The following PTPRB variants were observed in gnomAD, a reference collection of about 807,000 sequenced individuals.
The protein encoded by PTPRB is protein tyrosine phosphatase receptor type B.
A neutral mutation model predicts 238.1 loss-of-function variants in PTPRB; 97 were observed. That is an observed-to-expected ratio of 0.41 (90% confidence interval 0.35 to 0.48). The LOEUF (loss-of-function observed/expected upper bound fraction) is 0.48, where lower values mean the gene tolerates loss of function less well. Among genes scored for constraint, PTPRB ranks in the 20% least tolerant of loss-of-function variants. The probability of loss-of-function intolerance (pLI) is 0.30; values close to 1 mark genes in which losing one functional copy is unlikely to be tolerated. For missense variants in PTPRB, 2,292 were observed against 2,681.9 expected, an observed-to-expected ratio of 0.85 and a Z score of 3.21; for synonymous variants, 970 against 995.4, an observed-to-expected ratio of 0.97 and a Z score of 0.48.
chr12:70,582,801 T>C (rs969441445), intron 9 of PTPRB, among the ~76,000 whole-genome samples: 1 of 152,040 alleles, frequency 6.6e-6, no homozygotes, highest in African/African-American at 2.4e-5. Context: ...ACTGATAAAT[T>C]GGACATCAAA....
rs1449719673 is a variant in PTPRB at position 70,518,534 on chromosome 12, T to C, written c.*2955A>G. 1 of 152,070 alleles carries C rather than the reference T, an allele frequency of 6.6e-6. No homozygotes were observed. The highest frequency in any genetic ancestry group is 2.4e-5 in the African/African-American group (1 of 41,404). The allele number at this position is 152,070 out of a possible 1,614,324, so 9.4% of individuals were successfully genotyped here. A position where few individuals can be genotyped will look rare whatever the true frequency, so the allele number is the denominator to read the frequency against. The stretch of plus-strand genomic sequence containing the variant: ...AGATAATATGAACAGTAGATAAAAA[T>C]CACATTCAACTGGGAAAACAAACAT... On this transcript the variant is annotated 3_prime_UTR_variant, in exon 34 of 34. Transcript: ENST00000334414.
intron 21 of PTPRB, among the ~76,000 whole-genome samples, chr12:70,549,066 C>T (rs1876500861): frequency 6.6e-6 from 1 of 152,190 alleles, no homozygotes; most frequent in African/African-American, 2.4e-5. Context: ...ACATTGTAAG[C>T]TTCTTGAAGG....
rs529518935 is a variant in PTPRB at position 70,592,214 on chromosome 12, G to A, written c.1780+68C>T. ...AGGAGTTTTCCTGCTGACTTATTTT[G>A]TCCTATTTTAAGGTGGATCAGAGAG... On this transcript the variant is annotated intron_variant, in intron 7 of 33. Transcript: ENST00000334414. 6 of 1,598,356 alleles carry A rather than the reference G, an allele frequency of 3.8e-6. 1 individual carries two copies. The South Asian group carries it at 4.4e-5, about 12-fold the overall frequency.
rs551038012 is a variant in PTPRB at position 70,623,813 on chromosome 12, T to C, written c.452-1167A>G. Among the ~76,000 whole-genome samples the C allele has an allele frequency of 1.1e-3, 165 of 152,322 alleles. 2 individuals are homozygous for C. Among genetic ancestry groups the C allele is most frequent in the Non-Finnish European group, 2.2e-3 (148 of 68,026 alleles). On this transcript the variant is annotated intron_variant, in intron 2 of 33. Coordinates refer to ENST00000334414, the MANE Select transcript of PTPRB (RefSeq NM_001109754.4). ...CAGGTGAGGTCTCCTAAATAAGCTATTTATCATCCTATTTTCCCTGATCTG... is the reference window on the plus strand; with the variant it reads ...CAGGTGAGGTCTCCTAAATAAGCTACTTATCATCCTATTTTCCCTGATCTG...
chr12:70,524,625 C>T, intron 32 of PTPRB, 34 bp from the exon 33 acceptor site: 1 of 1,574,202 alleles, frequency 6.4e-7, no homozygotes, highest in African/African-American at 1.4e-5. Context: ...AGAGGAGGGC[C>T]TGTTCTCATG....
At chr12:70,626,296 CATCTATCTATCT>C (rs35084668) in intron 2 of PTPRB, among the ~76,000 whole-genome samples, 2,117 of 91,718 alleles carry the variant, frequency 0.023, 64 homozygotes, top group Admixed American at 0.029. Flanking sequence ...TCTATCCATC[CATCTATCTATCT>C]ATCTATCTAT....
rs1346963980 is a variant in PTPRB at position 70,594,656 on chromosome 12, C to T, written c.1327G>A (p.Gly443Ser). The change falls in exon 6 of 34, where the codon GGT becomes AGT. Residue 443 changes from glycine (G) to serine (S), a missense_variant. Transcript: ENST00000334414. ...ANSLLISWSH[G>S]SGNVERYRLM... ...CGGTATCGTTCCACATTCCCAGAAC[C>T]ATGGGACCAGGAAATCAGGAGAGAA... is the stretch of plus-strand genomic sequence containing the variant. The T allele has an allele frequency of 6.2e-7, 1 of 1,614,018 alleles. No homozygotes were observed. The highest frequency in any genetic ancestry group is 1.1e-5 in the South Asian group (1 of 91,078).
chr12:70,594,547 G>T lies in PTPRB; in HGVS notation c.1436C>A (p.Thr479Asn). The stretch of plus-strand genomic sequence containing the variant: ...AGTGAGGTTGTAGAGGTAGCCAGGG[G>T]TCAGCCCGTGAAAAGCATAGGAAGT... ...HATSYAFHGL[T>N]PGYLYNLTVM... Residue 479 changes from threonine to asparagine, a missense_variant, in exon 6 of 34, where the codon ACC becomes AAC. Thr to Asn is a moderately conservative substitution (Grantham distance 65). Coordinates refer to ENST00000334414, the MANE Select transcript of PTPRB (RefSeq NM_001109754.4). The T allele has an allele frequency of 6.2e-7, 1 of 1,613,988 alleles. No homozygotes were observed. The highest frequency in any genetic ancestry group is 8.5e-7 in the Non-Finnish European group (1 of 1,179,882).
At chr12:70,613,931 GA>G (rs1282156807) in intron 3 of PTPRB, among the ~76,000 whole-genome samples, 6 of 151,838 alleles carry the variant, frequency 4.0e-5, no homozygotes, top group Admixed American at 3.3e-4. Flanking sequence ...AAAGAGAAGA[GA>G]AAAAAGAGGG....
intron 7 of PTPRB, among the ~76,000 whole-genome samples, chr12:70,591,040 C>T (rs1446660042): frequency 2.0e-5 from 3 of 147,456 alleles, no homozygotes; most frequent in African/African-American, 5.0e-5. Context: ...AAGCAATCCT[C>T]CCAGCTCAGC....
At position 70,534,893 on chromosome 12, in the gene PTPRB, C is replaced by T. The variant is rs772121499; in HGVS notation, c.6144G>A (p.Leu2048=). The T allele has an allele frequency of 1.9e-6, 3 of 1,613,924 alleles. No individual in the cohort carries two copies. Among genetic ancestry groups the T allele is most frequent in the Admixed American group, 1.7e-5 (1 of 60,018 alleles). ...QDSLYYGDLI[L]QMLSESVLPE... is the part of the protein sequence containing the mutation. ...GCAGGACGGACTCTGAGAGCATCTGCAGGATGAGGTCCCCATAGTAGAGGG... is the reference window on the plus strand; with the variant it reads ...GCAGGACGGACTCTGAGAGCATCTGTAGGATGAGGTCCCCATAGTAGAGGG... The change falls in exon 30 of 34, where the codon CTG becomes CTA. Residue 2048 remains leucine (L), a synonymous_variant. Coordinates refer to ENST00000334414, the MANE Select transcript of PTPRB (RefSeq NM_001109754.4).
chr12:70,561,349 G>C (rs1162326082), intron 16 of PTPRB, among the ~76,000 whole-genome samples: 2 of 152,030 alleles, frequency 1.3e-5, no homozygotes, highest in Non-Finnish European at 2.9e-5. Context: ...CCCTCCTTTA[G>C]GTTCTCAGTT....
At chr12:70,533,950 G>A (rs141335631) in intron 31 of PTPRB, among the ~76,000 whole-genome samples, 53 of 152,298 alleles carry the variant, frequency 3.5e-4, no homozygotes, top group Non-Finnish European at 5.9e-5. Context: ...CCAGTCTGTG[G>A]TATTTTGTTT....
chr12:70,558,339 G>A (rs1240550807), intron 18 of PTPRB, among the ~76,000 whole-genome samples: 1 of 152,000 alleles, frequency 6.6e-6, no homozygotes, highest in African/African-American at 2.4e-5. Context: ...ATACAATGTG[G>A]CATAAAAGTT....
rs558729437 is a variant in PTPRB, at chr12:70,516,864, A to G, written c.*4625T>C. On this transcript the variant is annotated 3_prime_UTR_variant, in exon 34 of 34. Coordinates refer to ENST00000334414, the MANE Select transcript of PTPRB (RefSeq NM_001109754.4). ...ATAAGCCTCTATTTTCAGAGCATTC[A>G]CCAACAATTTCTTTATTTAATAAGT... The G allele has an allele frequency of 1.3e-5, 2 of 152,330 alleles. No homozygotes were observed. The highest frequency in any genetic ancestry group is 3.9e-4 in the East Asian group (2 of 5,190). The allele number at this position is 152,330 out of a possible 1,614,324, so 9.4% of individuals were successfully genotyped here.
At chr12:70,617,886 G>A (rs951039882) in intron 3 of PTPRB, among the ~76,000 whole-genome samples, 7 of 152,148 alleles carry the variant, frequency 4.6e-5, no homozygotes, top group Non-Finnish European at 8.8e-5. Flanking sequence ...GAGATATTTA[G>A]CAGTATCAGA....
chr12:70,544,305 A>G (rs1875627732), intron 22 of PTPRB, among the ~76,000 whole-genome samples: 1 of 152,154 alleles, frequency 6.6e-6, no homozygotes. Flanking sequence ...TTCACTCACT[A>G]TTTAGAAAAT....
intron 3 of PTPRB, chr12:70,609,902 G>T (rs950438232): frequency 8.0e-7 from 1 of 1,253,848 alleles, no homozygotes; most frequent in Non-Finnish European, 1.1e-6. Context: ...CCTGTTGCGC[G>T]CGCTCAGCGC....
Position 70,592,377 on chromosome 12 carries a change from T to C in PTPRB, c.1685A>G (p.His562Arg). The C allele has an allele frequency of 6.2e-7, 1 of 1,613,850 alleles. No individual in the cohort carries two copies. Among genetic ancestry groups the C allele is most frequent in the Non-Finnish European group, 8.5e-7 (1 of 1,179,814 alleles). ...RVLAPWITET[H>R]FKELVPGRLY... ...TCGACCGGGGACTAACTCTTTAAAG[T>C]GAGTTTCAGTAATCCAAGGTGCTAA... Residue 562 changes from histidine (H) to arginine (R), a missense_variant, in exon 7 of 34, where the codon CAC (histidine) becomes CGC (arginine). Coordinates refer to ENST00000334414, the MANE Select transcript of PTPRB (RefSeq NM_001109754.4).
Sources: allele counts gnomAD v4.1 joint callset (sites outside exome capture counted in the v4.1 genomes callset), GRCh38; gene constraint gnomAD v4.1.1; transcripts MANE v1.5; gene names NCBI Gene and HGNC (gene_info 2026-07-23, HGNC 2026-07-21).